Variants in NPEPPS observed in about 807,000 individuals in gnomAD.
NPEPPS encodes the protein aminopeptidase puromycin sensitive, also known as puromycin-sensitive aminopeptidase.
NPEPPS carries 14 observed loss-of-function variants against 115.5 expected under a neutral mutation model. The observed-to-expected ratio is 0.12, with a 90% CI of 0.08 to 0.19. The LOEUF is 0.19. Among genes scored for constraint, NPEPPS ranks in the 10% least tolerant of loss-of-function variants. The pLI is 1.00. For synonymous variants in NPEPPS, 285 were observed against 390.6 expected, an observed-to-expected ratio of 0.73 and a Z score of 3.19; for missense variants, 523 against 1,110.8, an observed-to-expected ratio of 0.47 and a Z score of 7.52.
intron 1 of NPEPPS, among the ~76,000 whole-genome samples, chr17:47,543,129 G>C (rs929947212): frequency 3.5e-5 from 5 of 142,712 alleles, no homozygotes; most frequent in African/African-American, 1.3e-4. Context: ...CTGGGCGAGA[G>C]AGCGAGACTC....
chr17:47,528,784 C>T (rs1485202727), upstream of NPEPPS, among the ~76,000 whole-genome samples: 3 of 151,714 alleles, frequency 2.0e-5, no homozygotes, highest in Non-Finnish European at 4.4e-5. Context: ...TACAGGCATG[C>T]GCCACCATGC....
In NPEPPS at chr17:47,585,131, T is replaced by C. The variant is rs1451341994; in HGVS notation, c.649-369T>C. 3.9e-5 allele frequency among the ~76,000 whole-genome samples: 6 copies of C among 152,310 alleles called. No homozygotes were observed. In the South Asian group the frequency reaches 1.0e-3, roughly 26 times the overall value. Reference sequence around the variant, plus strand: ...CGTGAGCCACCGCGCCTAGCCCCTATTTTATTTTTATTAATAGTCATTTTC... The same window carrying C: ...CGTGAGCCACCGCGCCTAGCCCCTACTTTATTTTTATTAATAGTCATTTTC... On this transcript the variant is annotated intron_variant, in intron 5 of 22. Coordinates refer to ENST00000322157, the MANE Select transcript of NPEPPS (RefSeq NM_006310.4).
At chr17:47,621,058 G>C (rs1217924185) in intron 22 of NPEPPS, among the ~76,000 whole-genome samples, 1 of 151,690 alleles carries the variant, frequency 6.6e-6, no homozygotes, top group Non-Finnish European at 1.5e-5. Flanking sequence ...GTGCACGCTT[G>C]TGGTCCCAGC....
intron 1 of NPEPPS, among the ~76,000 whole-genome samples, chr17:47,532,957 C>G (rs2644334): frequency 6.6e-6 from 1 of 151,880 alleles, no homozygotes; most frequent in Non-Finnish European, 1.5e-5. Context: ...TTTCATTTCT[C>G]TTCCTACTGC....
chr17:47,534,589 C>T (rs867915324), intron 1 of NPEPPS, among the ~76,000 whole-genome samples: 9 of 151,924 alleles, frequency 5.9e-5, no homozygotes, highest in African/African-American at 2.2e-4. Context: ...GATGGAGTTT[C>T]GCTCTTTCTC....
rs538379927 is a variant in NPEPPS at position 47,615,445 on chromosome 17, T to C, written c.2295+1720T>C. 3.3e-5 allele frequency among the ~76,000 whole-genome samples: 5 copies of C among 152,294 alleles called. No individual in the cohort carries two copies. The East Asian group carries it at 7.7e-4, about 23-fold the overall frequency. ...GGTGGCATGCACCTATATTTCCAGC[T>C]TCTCAGGAGGCTGAGGCAGGAGGAG... On this transcript the variant is annotated intron_variant, in intron 19 of 22. Coordinates refer to ENST00000322157, the MANE Select transcript of NPEPPS (RefSeq NM_006310.4).
chr17:47,551,923 T>G (rs1909675762), intron 2 of NPEPPS, among the ~76,000 whole-genome samples: 1 of 140,626 alleles, frequency 7.1e-6, no homozygotes, highest in Admixed American at 7.5e-5. Flanking sequence ...AAGACAAAAG[T>G]CTTAAGTTTC....
In NPEPPS at chr17:47,596,414, C is replaced by T. The variant is rs201718491; in HGVS notation, c.1488C>T (p.Thr496=). 33 of 1,596,188 alleles carry T rather than the reference C, an allele frequency of 2.1e-5. No individual in the cohort carries two copies. The Middle Eastern group carries it at 4.1e-3, about 200-fold the overall frequency. The change falls in exon 13 of 23, where the codon ACC becomes ACT. Residue 496 remains threonine (T), a synonymous_variant. Coordinates refer to ENST00000322157, the MANE Select transcript of NPEPPS (RefSeq NM_006310.4). ...SGKPIAAVMN[T]WTKQMGFPLI... is the part of the protein sequence containing the mutation. ...AACCTATAGCAGCTGTGATGAATAC[C>T]TGGACCAAACAAATGGGATTTCCCC...
intron 22 of NPEPPS, chr17:47,620,146 G>T (rs2143993149): frequency 6.2e-6 from 1 of 162,562 alleles, no homozygotes; most frequent in African/African-American, 2.4e-5. Flanking sequence ...CCCGGGAGGT[G>T]GAGGTTGCAG....
intron 12 of NPEPPS, among the ~76,000 whole-genome samples, chr17:47,594,582 G>GTATTT (rs201667392): frequency 8.8e-5 from 10 of 113,508 alleles, no homozygotes; most frequent in South Asian, 3.1e-4. Context: ...GGCTAATTTT[G>GTATTT]TATTTTATTT....
chr17:47,591,973 A>C lies in NPEPPS; in HGVS notation c.1278A>C (p.Pro426=), dbSNP rs767181906. 1.6e-6 allele frequency: 2 copies of C among 1,247,736 alleles called. No homozygotes were observed. Among genetic ancestry groups the C allele is most frequent in the East Asian group, 2.4e-5 (1 of 41,332 alleles). 77.3% of individuals were successfully genotyped at this position (1,247,736 alleles called of 1,614,324 possible). ...TCTGCCAGGTCAGTGTGGGCCATCC[A>C]TCTGAGGTTGATGAGATATTTGATG... ...SHPIEVSVGH[P]SEVDEIFDAI... Residue 426 remains proline (P), a synonymous_variant, in exon 11 of 23, where the codon CCA becomes CCC. Coordinates refer to ENST00000322157, the MANE Select transcript of NPEPPS (RefSeq NM_006310.4).
At chr17:47,593,163 G>A (rs1389250383) in intron 12 of NPEPPS, among the ~76,000 whole-genome samples, 3 of 152,282 alleles carry the variant, frequency 2.0e-5, no homozygotes, top group East Asian at 3.9e-4. Flanking sequence ...TTGGATAAGG[G>A]ATACTCAACC....
upstream of NPEPPS, among the ~76,000 whole-genome samples, chr17:47,529,406 CTT>C (rs1235224440): frequency 7.8e-5 from 10 of 128,714 alleles, no homozygotes; most frequent in East Asian, 2.2e-4. Context: ...CCTGGGCCCA[CTT>C]TTTTTTTTTT....
chr17:47,547,419 T>G (rs1909293737), intron 2 of NPEPPS, among the ~76,000 whole-genome samples: 1 of 151,912 alleles, frequency 6.6e-6, no homozygotes, highest in African/African-American at 2.4e-5. Context: ...TGATCTCAAC[T>G]ACCACAACCT....
Position 47,568,338 on chromosome 17 carries a change from G to A in NPEPPS, c.341-1079G>A, listed in dbSNP as rs138774614. ...GGCGTTTGCCACCATGCCTGGCTAA[G>A]TTTTGTATTTTTAGTAAAAATGGGG... is the stretch of plus-strand genomic sequence containing the variant. On this transcript the variant is annotated intron_variant, in intron 2 of 22. Transcript: ENST00000322157. 7.3e-4 allele frequency among the ~76,000 whole-genome samples: 111 copies of A among 152,066 alleles called. 2 individuals carry two copies. The East Asian group carries it at 0.021, about 29-fold the overall frequency.
At chr17:47,569,389 TGTAAA>T (rs749051752) in intron 2 of NPEPPS, 23 bp from the exon 3 acceptor site, 299 of 1,455,572 alleles carry the variant, frequency 2.1e-4, no homozygotes, top group South Asian at 3.3e-4. Context: ...CAGTCAGAAT[TGTAAA>T]GTAATTTTTT....
At chr17:47,619,648 A>C in intron 21 of NPEPPS, 89 bp from the exon 22 acceptor site, 1 of 1,050,288 alleles carries the variant, frequency 9.5e-7, no homozygotes, top group South Asian at 1.3e-5. Context: ...TGAAGTTGGC[A>C]GAGAACAGAA....
At chr17:47,568,110 T>A (rs1910944328) in intron 2 of NPEPPS, among the ~76,000 whole-genome samples, 1 of 152,148 alleles carries the variant, frequency 6.6e-6, no homozygotes. Context: ...ACCATTTACA[T>A]TCCCATTAGC....
At chr17:47,531,579 G>T in intron 1 of NPEPPS, 24 bp downstream of exon 1, 1 of 1,578,084 alleles carries the variant, frequency 6.3e-7, no homozygotes, top group Non-Finnish European at 8.6e-7. Context: ...CGGGCCCCGG[G>T]GCAAGCTGCG....
Sources: allele counts gnomAD v4.1 joint callset (sites outside exome capture counted in the v4.1 genomes callset), GRCh38; gene constraint gnomAD v4.1.1; transcripts MANE v1.5; gene names NCBI Gene and HGNC (gene_info 2026-07-23, HGNC 2026-07-21).